Variants in DNAH12 observed in about 807,000 individuals in gnomAD.
DNAH12 encodes the protein axonemal beta dynein heavy chain 12.
A neutral mutation model predicts 371.5 loss-of-function variants in DNAH12; 285 were observed. The observed-to-expected ratio is 0.77, with a 90% CI of 0.70 to 0.85. The LOEUF is 0.85. Among genes scored for constraint, DNAH12 ranks in the 40% least tolerant of loss-of-function variants. The probability of loss-of-function intolerance (pLI) is 0.00; values close to 1 mark genes in which losing one functional copy is unlikely to be tolerated. For missense variants in DNAH12, 3,611 were observed against 3,689.4 expected (o/e 0.98, Z 0.55); for synonymous variants, 1,200 against 1,213.0 (o/e 0.99, Z 0.22).
At chr3:57,373,352 G>C (rs1191524867) in intron 55 of DNAH12, among the ~76,000 whole-genome samples, 13 of 143,830 alleles carry the variant, frequency 9.0e-5, no homozygotes, top group African/African-American at 2.9e-4. Context: ...GTCTCACTTT[G>C]TCACCCCAGC....
chr3:57,519,664 C>T (rs1289134757), intron 4 of DNAH12: 27 of 1,547,490 alleles, frequency 1.7e-5, no homozygotes, highest in East Asian at 2.2e-5. Flanking sequence ...GCCTTCTAAC[C>T]GCTCTCATTT....
intron 60 of DNAH12, among the ~76,000 whole-genome samples, chr3:57,339,455 T>C (rs1199829209): frequency 2.0e-5 from 3 of 150,738 alleles, no homozygotes; most frequent in African/African-American, 7.3e-5. Flanking sequence ...GTTGGCAGGA[T>C]AAGGATAAAC....
chr3:57,427,922 T>C lies in DNAH12; in HGVS notation c.5253+711A>G, dbSNP rs558154236. On this transcript the variant is annotated intron_variant, in intron 34 of 73. Coordinates refer to ENST00000495027, the MANE Select transcript of DNAH12 (RefSeq NM_001366028.2). ...TCAATTTCTGGTTTTTGGGTGTTTT[T>C]TGGTTTTGGGGTTTTTTTTTTTCTG... Among the ~76,000 whole-genome samples the C allele has an allele frequency of 1.6e-4, 24 of 151,846 alleles. No individual in the cohort carries two copies. The South Asian group carries it at 4.8e-3, about 30-fold the overall frequency.
intron 29 of DNAH12, among the ~76,000 whole-genome samples, chr3:57,442,427 C>T (rs568688857): frequency 2.0e-5 from 3 of 151,928 alleles, no homozygotes; most frequent in Non-Finnish European, 4.4e-5. Flanking sequence ...ATTTAAGGTG[C>T]TTATATTTTT....
At chr3:57,547,454 G>A (rs991295619), upstream of DNAH12, among the ~76,000 whole-genome samples, 2 of 151,906 alleles carry the variant, frequency 1.3e-5, no homozygotes, top group Admixed American at 6.6e-5. Flanking sequence ...CACCACGCCT[G>A]GCCGATGTAC....
chr3:57,309,105 T>G, intron 69 of DNAH12, 46 bp downstream of exon 69: 1 of 1,404,808 alleles, frequency 7.1e-7, no homozygotes, highest in South Asian at 1.4e-5. Context: ...CTTATTAATA[T>G]AAGAAGACAG....
chr3:57,362,347 A>C (rs2062956059), intron 58 of DNAH12, among the ~76,000 whole-genome samples: 1 of 152,150 alleles, frequency 6.6e-6, no homozygotes. Flanking sequence ...GTGTCTTTAT[A>C]GTAGCGTGAT....
At chr3:57,527,420 G>C (rs927292564) in intron 2 of DNAH12, among the ~76,000 whole-genome samples, 5 of 152,236 alleles carry the variant, frequency 3.3e-5, no homozygotes, top group Non-Finnish European at 4.4e-5. Context: ...ATTGGCTCCT[G>C]GTTCTGCAGG....
chr3:57,427,170 G>GTGTGTGTGTGTT (rs1559646583), intron 34 of DNAH12, among the ~76,000 whole-genome samples: 1 of 151,582 alleles, frequency 6.6e-6, no homozygotes, highest in Non-Finnish European at 1.5e-5. Context: ...GTGTGTGTGT[G>GTGTGTGTGTGTT]TGTAGGAGAT....
At chr3:57,520,817 C>T (rs1264710095) in intron 4 of DNAH12, among the ~76,000 whole-genome samples, 1 of 151,930 alleles carries the variant, frequency 6.6e-6, no homozygotes, top group Non-Finnish European at 1.5e-5. Flanking sequence ...AGATACAAGT[C>T]CTTTGTTGGA....
At chr3:57,446,746 GACAC>G in intron 25 of DNAH12, 57 bp from the exon 26 acceptor site, 1 of 1,377,126 alleles carries the variant, frequency 7.3e-7, no homozygotes, top group Non-Finnish European at 9.5e-7. Flanking sequence ...AAAAACAACA[GACAC>G]TTGTTTACCA....
intron 34 of DNAH12, among the ~76,000 whole-genome samples, chr3:57,425,382 G>A (rs2064733801): frequency 6.6e-6 from 1 of 151,530 alleles, no homozygotes; most frequent in Admixed American, 6.6e-5. Context: ...CAAGTAGTTA[G>A]GACTATAGGT....
rs116615500 is a variant in DNAH12 at position 57,452,861 on chromosome 3, G to A, written c.3768C>T (p.Asp1256=). 44,986 of 1,547,916 alleles carry A rather than the reference G, an allele frequency of 0.029. 748 individuals carry two copies. Among genetic ancestry groups the A allele is most frequent in the Middle Eastern group, 0.033 (199 of 5,968 alleles). ...SPRLVITPLT[D]RCYRTLIGAF... ...TGCATACCAATGTTCTGTAACACCT[G>A]TCAGTTAGAGGCGTAATGACAAGTC... The change falls in exon 25 of 74, where the codon GAC becomes GAT. Residue 1256 remains aspartate (D), a synonymous_variant. Coordinates refer to ENST00000495027, the MANE Select transcript of DNAH12 (RefSeq NM_001366028.2).
chr3:57,379,745 G>A (rs1424947201), intron 51 of DNAH12, among the ~76,000 whole-genome samples: 1 of 148,552 alleles, frequency 6.7e-6, no homozygotes, highest in African/African-American at 2.5e-5. Context: ...AGAGGCTGAG[G>A]CAGGAGAATT....
intron 50 of DNAH12, 102 bp downstream of exon 50, chr3:57,382,160 T>A (rs1204362182): frequency 6.6e-6 from 1 of 152,174 alleles, no homozygotes; most frequent in Non-Finnish European, 1.5e-5. Context: ...TGGAAAACAA[T>A]GTTTCTTCCC....
intron 59 of DNAH12, among the ~76,000 whole-genome samples, chr3:57,354,681 T>G (rs935677150): frequency 6.6e-6 from 1 of 152,172 alleles, no homozygotes; most frequent in Admixed American, 6.5e-5. Context: ...TATAGCAGTT[T>G]TATTCATAGT....
At chr3:57,500,442 TC>T (rs1452166876) in intron 11 of DNAH12, among the ~76,000 whole-genome samples, 2 of 152,222 alleles carry the variant, frequency 1.3e-5, no homozygotes, top group Non-Finnish European at 1.5e-5. Context: ...TCCAGGATTT[TC>T]CCATGTGGCT....
chr3:57,446,823 T>C (rs771170310), intron 25 of DNAH12, 134 bp from the exon 26 acceptor site: 8 of 977,700 alleles, frequency 8.2e-6, no homozygotes, highest in Non-Finnish European at 1.1e-5. Context: ...GTTTAATTTT[T>C]AGCCCAAATT....
intron 4 of DNAH12, among the ~76,000 whole-genome samples, chr3:57,513,624 G>GA (rs1164309364): frequency 6.6e-6 from 1 of 152,034 alleles, no homozygotes; most frequent in East Asian, 1.9e-4. Context: ...AACTACAACA[G>GA]AAAAATGGGC....
Sources: allele counts gnomAD v4.1 joint callset (sites outside exome capture counted in the v4.1 genomes callset), GRCh38; gene constraint gnomAD v4.1.1; transcripts MANE v1.5; gene names NCBI Gene and HGNC (gene_info 2026-07-23, HGNC 2026-07-21).